Variants in HMGN3 observed in about 807,000 individuals in gnomAD.
HMGN3 encodes high mobility group nucleosome-binding domain-containing protein 3.
A neutral mutation model predicts 18.8 loss-of-function variants in HMGN3; 6 were observed. The observed-to-expected ratio is 0.32, with a 90% CI of 0.18 to 0.63. The LOEUF is 0.63. Ranked by LOEUF, HMGN3 falls within the 30% of genes least tolerant of loss-of-function variation. HMGN3 has a pLI of 0.79. For synonymous variants in HMGN3, 40 were observed against 36.5 expected (o/e 1.10, Z -0.35); for missense variants, 107 against 114.2 (o/e 0.94, Z 0.29).
intron 1 of HMGN3, among the ~76,000 whole-genome samples, chr6:79,227,573 T>C (rs1043828235): frequency 2.0e-5 from 3 of 152,214 alleles, no homozygotes; most frequent in Non-Finnish European, 4.4e-5. Flanking sequence ...GGCTAAGTTC[T>C]TTGAATTCAC....
At chr6:79,219,723 T>C (rs1443738381) in intron 1 of HMGN3, among the ~76,000 whole-genome samples, 1 of 152,148 alleles carries the variant, frequency 6.6e-6, no homozygotes, top group Non-Finnish European at 1.5e-5. Context: ...TCTAAAACTT[T>C]ATTATTTCAC....
chr6:79,208,345 C>A (rs1405374732), intron 3 of HMGN3, among the ~76,000 whole-genome samples: 1 of 152,158 alleles, frequency 6.6e-6, no homozygotes, highest in East Asian at 1.9e-4. Context: ...ATGGGGCTGG[C>A]CACTGTTTTT....
intron 3 of HMGN3, among the ~76,000 whole-genome samples, chr6:79,204,645 C>T (rs1776309244): frequency 6.6e-6 from 1 of 152,216 alleles, no homozygotes; most frequent in African/African-American, 2.4e-5. Context: ...GAGAAAAATA[C>T]ATGTTCCTCC....
At chr6:79,227,290 TA>T (rs1243540880) in intron 1 of HMGN3, among the ~76,000 whole-genome samples, 1 of 152,166 alleles carries the variant, frequency 6.6e-6, no homozygotes, top group African/African-American at 2.4e-5. Context: ...ATCAACCATG[TA>T]AAAATGCACA....
intron 1 of HMGN3, chr6:79,234,202 C>T: frequency 4.1e-6 from 1 of 243,514 alleles, no homozygotes; most frequent in Non-Finnish European, 7.9e-6. Flanking sequence ...CACACTAATT[C>T]GCAACCTGGC....
chr6:79,213,986 G>C (rs1468318927), intron 2 of HMGN3, among the ~76,000 whole-genome samples: 1 of 152,076 alleles, frequency 6.6e-6, no homozygotes, highest in Non-Finnish European at 1.5e-5. Flanking sequence ...TTTTCCTACT[G>C]TTTAGCCCAT....
chr6:79,208,674 A>G (rs1355958347), intron 2 of HMGN3, 98 bp from the exon 3 acceptor site: 1 of 919,250 alleles, frequency 1.1e-6, no homozygotes, highest in Non-Finnish European at 1.8e-6. Flanking sequence ...ACTTTGTTGA[A>G]TGACTATAAT....
rs918514535 is a variant in HMGN3 at position 79,229,872 on chromosome 6, C to T, written c.15+4674G>A. On this transcript the variant is annotated intron_variant, in intron 1 of 5. Coordinates refer to ENST00000344726, the Ensembl canonical transcript of HMGN3. ...CAGCCTGGGCGACTGAGCCAGACTCCGCCTCCAAAAAAAAAAATGATAAAC... is the reference window on the plus strand; with the variant it reads ...CAGCCTGGGCGACTGAGCCAGACTCTGCCTCCAAAAAAAAAAATGATAAAC... 4.0e-5 allele frequency among the ~76,000 whole-genome samples: 6 copies of T among 151,598 alleles called. No homozygotes were observed. The South Asian group carries it at 6.2e-4, about 16-fold the overall frequency.
intron 1 of HMGN3, among the ~76,000 whole-genome samples, chr6:79,220,071 A>G (rs9448665): frequency 0.011 from 1,712 of 152,338 alleles, 19 homozygotes; most frequent in African/African-American, 0.039. Context: ...AGACAAAAAC[A>G]ATCATGAAAG....
intron 3 of HMGN3, among the ~76,000 whole-genome samples, chr6:79,206,367 G>A (rs1256766450): frequency 2.0e-5 from 3 of 152,144 alleles, no homozygotes; most frequent in Admixed American, 1.3e-4. Flanking sequence ...CCTCTGCTCT[G>A]TGCAGTCTAG....
At position 79,212,871 on chromosome 6, in the gene HMGN3, C is replaced by T. The variant is rs138634292; in HGVS notation, c.66+2101G>A. Among the ~76,000 whole-genome samples, 65 of 152,230 alleles carry T rather than the reference C, an allele frequency of 4.3e-4. No homozygotes were observed. The East Asian group carries it at 9.1e-3, about 21-fold the overall frequency. On this transcript the variant is annotated intron_variant, in intron 2 of 5. Transcript: ENST00000344726. The stretch of plus-strand genomic sequence containing the variant: ...AATCAATACACTGACAGTTTTTACC[C>T]GAAACCATCAGCAAACTAACTGACC...
At chr6:79,218,910 C>A (rs1235992938) in intron 1 of HMGN3, among the ~76,000 whole-genome samples, 2 of 152,138 alleles carry the variant, frequency 1.3e-5, no homozygotes, top group African/African-American at 4.8e-5. Context: ...ACAGTAGGAA[C>A]TGCCATAGAC....
chr6:79,229,533 G>C (rs1046398435), intron 1 of HMGN3, among the ~76,000 whole-genome samples: 10 of 152,160 alleles, frequency 6.6e-5, no homozygotes, highest in Non-Finnish European at 1.5e-4. Context: ...CAAGTATGTT[G>C]AAATTAGAAC....
At chr6:79,224,775 A>T (rs190779821) in intron 1 of HMGN3, among the ~76,000 whole-genome samples, 5 of 152,302 alleles carry the variant, frequency 3.3e-5, no homozygotes, top group African/African-American at 1.2e-4. Context: ...CACTAGACCA[A>T]AGTCTCTGTA....
chr6:79,214,004 T>C (rs1776830185), intron 2 of HMGN3, among the ~76,000 whole-genome samples: 1 of 152,222 alleles, frequency 6.6e-6, no homozygotes, highest in Non-Finnish European at 1.5e-5. Context: ...CATCTTTTTT[T>C]AGAGGTTCAT....
intron 1 of HMGN3, among the ~76,000 whole-genome samples, chr6:79,230,026 A>G (rs1343978253): frequency 6.6e-6 from 1 of 152,240 alleles, no homozygotes; most frequent in Non-Finnish European, 1.5e-5. Context: ...CCAAACCTGG[A>G]ACAATCCAAA....
chr6:79,214,872 TCATA>T (rs1776893616), intron 2 of HMGN3, 96 bp downstream of exon 2: 1 of 721,254 alleles, frequency 1.4e-6, no homozygotes, highest in Non-Finnish European at 2.4e-6. Flanking sequence ...TAAACTTTGT[TCATA>T]CAATTGTCCG....
intron 1 of HMGN3, among the ~76,000 whole-genome samples, chr6:79,227,082 C>T (rs556336615): frequency 6.6e-6 from 1 of 152,258 alleles, no homozygotes; most frequent in East Asian, 1.9e-4. Context: ...AGGCAGACAG[C>T]TTAAATGGTG....
intron 2 of HMGN3, among the ~76,000 whole-genome samples, chr6:79,212,043 TAA>T (rs369391899): frequency 7.0e-6 from 1 of 143,768 alleles, no homozygotes; most frequent in Admixed American, 6.9e-5. Context: ...CTTTTAATTC[TAA>T]AAAAAAAAAA....
Sources: gnomAD v4.1 joint callset for allele counts (sites outside exome capture counted in the v4.1 genomes callset) on GRCh38, gnomAD v4.1.1 for gene constraint, MANE v1.5 for transcripts, NCBI Gene and HGNC (gene_info 2026-07-23, HGNC 2026-07-21) for gene names.